Variants in UTRN observed in about 807,000 individuals in gnomAD.
UTRN encodes the protein dystrophin-related protein 1.
In UTRN, 283 loss-of-function variants were observed where a neutral mutation model predicts 463.9. The observed-to-expected ratio is 0.61, with a 90% CI of 0.55 to 0.67. UTRN has a LOEUF of 0.67. Among genes scored for constraint, UTRN ranks in the 30% least tolerant of loss-of-function variants. UTRN has a pLI of 0.00. For missense variants in UTRN, 3,922 were observed against 4,084.3 expected (o/e 0.96, Z 1.08); for synonymous variants, 1,442 against 1,431.5 (o/e 1.01, Z -0.17).
At chr6:144,491,664 T>A (rs753879779) in intron 32 of UTRN, among the ~76,000 whole-genome samples, 6 of 152,190 alleles carry the variant, frequency 3.9e-5, no homozygotes, top group African/African-American at 4.8e-5. Flanking sequence ...TGCTTGAGAA[T>A]CACAGAACTT....
chr6:144,628,680 C>T lies in UTRN; in HGVS notation c.7480-49726C>T, dbSNP rs9497025. On this transcript the variant is annotated intron_variant, in intron 51 of 74. Coordinates refer to ENST00000367545, the MANE Select transcript of UTRN (RefSeq NM_007124.3). ...TCCTAAATAGAATCATCCAAAAGAACGCATAGAAACATTCTGTTGATTCCA... is the reference window on the plus strand; with the variant it reads ...TCCTAAATAGAATCATCCAAAAGAATGCATAGAAACATTCTGTTGATTCCA... Among the ~76,000 whole-genome samples, 684 of 152,246 alleles carry T rather than the reference C, an allele frequency of 4.5e-3. 2 individuals carry two copies. Among genetic ancestry groups the T allele is most frequent in the African/African-American group, 0.015 (642 of 41,534 alleles).
intron 2 of UTRN, among the ~76,000 whole-genome samples, chr6:144,387,607 C>T (rs1200723378): frequency 6.6e-6 from 1 of 152,224 alleles, no homozygotes; most frequent in Non-Finnish European, 1.5e-5. Flanking sequence ...CATTATTTCT[C>T]TCTCTGAAGA....
intron 27 of UTRN, 78 bp from the exon 28 acceptor site, chr6:144,485,307 A>G (rs974801932): frequency 1.3e-6 from 2 of 1,559,182 alleles, no homozygotes; most frequent in Non-Finnish European, 8.7e-7. Context: ...ATTATTAGCG[A>G]TTAAAGAGAA....
At chr6:144,463,772 T>C (rs927434390) in intron 23 of UTRN, among the ~76,000 whole-genome samples, 1 of 151,798 alleles carries the variant, frequency 6.6e-6, no homozygotes, top group East Asian at 1.9e-4. Flanking sequence ...AAATTAGCAA[T>C]AGGAGATTTA....
intron 51 of UTRN, among the ~76,000 whole-genome samples, chr6:144,651,397 T>C (rs1283068712): frequency 6.6e-6 from 1 of 152,186 alleles, no homozygotes; most frequent in African/African-American, 2.4e-5. Context: ...AGGAATATTC[T>C]ACACAGAAAA....
chr6:144,686,861 A>T (rs1782814944), intron 52 of UTRN, among the ~76,000 whole-genome samples: 1 of 152,030 alleles, frequency 6.6e-6, no homozygotes. Context: ...TTAGGTGGGA[A>T]ATTTAGACCA....
chr6:144,309,637 T>C (rs1458397940), intron 2 of UTRN, among the ~76,000 whole-genome samples: 1 of 152,198 alleles, frequency 6.6e-6, no homozygotes, highest in African/African-American at 2.4e-5. Flanking sequence ...GGACCATTGC[T>C]TTTTCTGGAA....
chr6:144,496,391 A>T (rs968100874), intron 33 of UTRN, among the ~76,000 whole-genome samples: 2 of 152,110 alleles, frequency 1.3e-5, no homozygotes, highest in Non-Finnish European at 2.9e-5. Flanking sequence ...ATACATTTTG[A>T]TGTATTACAT....
intron 58 of UTRN, among the ~76,000 whole-genome samples, chr6:144,768,404 A>G (rs4385333): frequency 0.41 from 62,622 of 152,058 alleles, 16,902 homozygotes; most frequent in East Asian, 0.82. Context: ...GGATGCTGAT[A>G]TGTAATTCCT....
At chr6:144,421,850 A>G (rs367677472) in intron 3 of UTRN, 28 bp from the exon 4 acceptor site, 46 of 1,587,694 alleles carry the variant, frequency 2.9e-5, no homozygotes, top group Middle Eastern at 1.7e-4. Flanking sequence ...GGCATACCCC[A>G]TATTTTATTT....
intron 2 of UTRN, among the ~76,000 whole-genome samples, chr6:144,392,134 T>C (rs1168070266): frequency 6.6e-6 from 1 of 152,242 alleles, no homozygotes; most frequent in African/African-American, 2.4e-5. Flanking sequence ...TTCAAGATGT[T>C]TTAAAATATT....
Position 144,685,761 on chromosome 6 carries a change from A to G in UTRN, c.7652+7183A>G, listed in dbSNP as rs375246525. 1.5e-4 allele frequency among the ~76,000 whole-genome samples: 23 copies of G among 149,138 alleles called. No homozygotes were observed. In the East Asian group the frequency reaches 3.7e-3, roughly 24 times the overall value. ...AGTTCCTTGTAGATTCTGGATATCA[A>G]TTCTTTGTTGGGAGATTCTGGATAT... On this transcript the variant is annotated intron_variant, in intron 52 of 74. Coordinates refer to ENST00000367545, the MANE Select transcript of UTRN (RefSeq NM_007124.3).
intron 16 of UTRN, 29 bp from the exon 17 acceptor site, chr6:144,448,571 A>G (rs752305256): frequency 5.0e-6 from 8 of 1,607,138 alleles, no homozygotes; most frequent in Middle Eastern, 1.7e-4. Flanking sequence ...TGTTATAAAC[A>G]TTGAAATTTT....
intron 52 of UTRN, among the ~76,000 whole-genome samples, chr6:144,691,325 T>C (rs1472210217): frequency 1.3e-5 from 2 of 152,146 alleles, no homozygotes; most frequent in African/African-American, 4.8e-5. Flanking sequence ...CCATATTGGC[T>C]GGGCTGCTCT....
chr6:144,527,693 C>A (rs1246984766), intron 41 of UTRN, among the ~76,000 whole-genome samples: 1 of 151,970 alleles, frequency 6.6e-6, no homozygotes, highest in Non-Finnish European at 1.5e-5. Flanking sequence ...TTTTAAAATT[C>A]TTTTTTCTTT....
chr6:144,439,691 C>T (rs1786940630), intron 12 of UTRN, among the ~76,000 whole-genome samples: 1 of 152,082 alleles, frequency 6.6e-6, no homozygotes, highest in Non-Finnish European at 1.5e-5. Flanking sequence ...TTAGTAAAGT[C>T]AGGGTTTCAC....
chr6:144,849,447 C>G (rs1782298108), intron 74 of UTRN, among the ~76,000 whole-genome samples: 1 of 152,106 alleles, frequency 6.6e-6, no homozygotes, highest in Non-Finnish European at 1.5e-5. Context: ...CTGAGGAGGC[C>G]TTCTCCTCCT....
In UTRN at chr6:144,677,404, T is replaced by C. The variant is rs1324824741; in HGVS notation, c.7480-1002T>C. On this transcript the variant is annotated intron_variant, in intron 51 of 74. Coordinates refer to ENST00000367545, the MANE Select transcript of UTRN (RefSeq NM_007124.3). ...TTCCTGTGTTAGTTGCTGAGGATGA[T>C]GGTTTCCAGCTTCATCCATGTCCCT... Among the ~76,000 whole-genome samples the C allele has an allele frequency of 2.0e-5, 3 of 152,296 alleles. No homozygotes were observed. The East Asian group carries it at 5.8e-4, about 29-fold the overall frequency.
intron 51 of UTRN, among the ~76,000 whole-genome samples, chr6:144,667,639 T>C (rs1034413792): frequency 9.2e-5 from 14 of 152,232 alleles, no homozygotes; most frequent in Admixed American, 9.2e-4. Context: ...CCTTTAAATA[T>C]GTCTCTTTAG....
Sources: gnomAD v4.1 joint callset for allele counts (sites outside exome capture counted in the v4.1 genomes callset) on GRCh38, gnomAD v4.1.1 for gene constraint, MANE v1.5 for transcripts, NCBI Gene and HGNC (gene_info 2026-07-23, HGNC 2026-07-21) for gene names.